The following KLF12 variants were observed in gnomAD, a reference collection of about 807,000 sequenced individuals.
KLF12 encodes Krueppel-like factor 12.
Under a neutral mutation model 37.8 loss-of-function variants are expected in KLF12, and 9 were observed. The observed-to-expected ratio is 0.24, with a 90% CI of 0.14 to 0.42. The LOEUF is 0.42. KLF12 is among the 10% of genes least tolerant of loss of function. The pLI, the probability that KLF12 is intolerant of heterozygous loss-of-function variation, is 1.00. For synonymous variants in KLF12, 208 were observed against 202.1 expected (o/e 1.03, Z -0.25); for missense variants, 411 against 516.0 (o/e 0.80, Z 1.97).
At chr13:74,277,723 A>T in the KLF12 span, among the ~76,000 whole-genome samples, 35 of 152,098 alleles carry the variant, frequency 2.3e-4, no homozygotes, top group Non-Finnish European at 4.4e-4. Context: ...GACTTTAAAA[A>T]TTTGTTCTTA....
At chr13:73,725,289 C>T (rs372669198) in intron 6 of KLF12, among the ~76,000 whole-genome samples, 1 of 151,880 alleles carries the variant, frequency 6.6e-6, no homozygotes. Context: ...TTAGTAGAGA[C>T]GGGGGTTTCA....
At chr13:73,709,100 T>C (rs1180701460) in intron 7 of KLF12, among the ~76,000 whole-genome samples, 1 of 152,232 alleles carries the variant, frequency 6.6e-6, no homozygotes, top group African/African-American at 2.4e-5. Flanking sequence ...TGTACACTCA[T>C]GAAAATATAC....
At position 73,947,310 on chromosome 13, in the gene KLF12, T is replaced by C. The variant is rs181207138; in HGVS notation, c.34-3240A>G. On this transcript the variant is annotated intron_variant, in intron 2 of 7. Coordinates refer to ENST00000377669, the MANE Select transcript of KLF12 (RefSeq NM_007249.5). ...GTTAGTTGGCTGTTGACCAATTCCATGTGCACGGGATGAGAAGGATAATCT... is the reference window on the plus strand; with the variant it reads ...GTTAGTTGGCTGTTGACCAATTCCACGTGCACGGGATGAGAAGGATAATCT... Among the ~76,000 whole-genome samples, 309 of 152,292 alleles carry C rather than the reference T, an allele frequency of 2.0e-3. 1 individual carries two copies. The Middle Eastern group carries it at 0.02, about 10-fold the overall frequency.
At chr13:74,120,336 G>A (rs567928742) in intron 1 of KLF12, among the ~76,000 whole-genome samples, 52 of 152,228 alleles carry the variant, frequency 3.4e-4, no homozygotes, top group African/African-American at 1.1e-3. Flanking sequence ...ACAAAAATTA[G>A]CTAGGCGTGG....
the KLF12 span, among the ~76,000 whole-genome samples, chr13:74,253,472 A>G: frequency 1.3e-5 from 2 of 152,228 alleles, no homozygotes; most frequent in African/African-American, 2.4e-5. Flanking sequence ...TCTGGGAGCC[A>G]CCTCAAATCC....
the KLF12 span, among the ~76,000 whole-genome samples, chr13:74,224,394 C>A: frequency 4.6e-5 from 7 of 152,120 alleles, no homozygotes; most frequent in Non-Finnish European, 7.4e-5. Context: ...CATCCAGGAT[C>A]TTCTAACTTT....
At chr13:74,220,603 T>C in the KLF12 span, among the ~76,000 whole-genome samples, 1 of 152,242 alleles carries the variant, frequency 6.6e-6, no homozygotes, top group Non-Finnish European at 1.5e-5. Context: ...ATCATCAGCA[T>C]GATGTACAAC....
At chr13:74,110,258 C>T (rs976964300) in intron 1 of KLF12, among the ~76,000 whole-genome samples, 2 of 152,184 alleles carry the variant, frequency 1.3e-5, no homozygotes, top group African/African-American at 4.8e-5. Flanking sequence ...TGTTGGACAG[C>T]CCCGTCCTCT....
At chr13:74,071,898 A>G (rs1178028657) in intron 1 of KLF12, among the ~76,000 whole-genome samples, 1 of 152,196 alleles carries the variant, frequency 6.6e-6, no homozygotes, top group Non-Finnish European at 1.5e-5. Flanking sequence ...GAAAGAATGA[A>G]CAATTCTCCA....
At chr13:73,734,163 G>A (rs1017992363) in intron 6 of KLF12, among the ~76,000 whole-genome samples, 1 of 152,106 alleles carries the variant, frequency 6.6e-6, no homozygotes, top group African/African-American at 2.4e-5. Flanking sequence ...CTGACCAAAT[G>A]TCACTTCTTC....
At chr13:73,993,483 C>T (rs1254167679) in intron 2 of KLF12, among the ~76,000 whole-genome samples, 1 of 152,092 alleles carries the variant, frequency 6.6e-6, no homozygotes, top group African/African-American at 2.4e-5. Context: ...ACTTACAAAG[C>T]TAACATTGAT....
At chr13:74,185,434 C>T in the KLF12 span, among the ~76,000 whole-genome samples, 1 of 152,052 alleles carries the variant, frequency 6.6e-6, no homozygotes, top group Non-Finnish European at 1.5e-5. Context: ...TATTTTTTTC[C>T]AACTCCATCA....
chr13:74,247,349 A>C, the KLF12 span, among the ~76,000 whole-genome samples: 74 of 151,934 alleles, frequency 4.9e-4, no homozygotes, highest in African/African-American at 1.7e-3. Context: ...TGTAATAATA[A>C]CTCTTTGAAA....
chr13:73,871,852 G>A (rs1409320785), intron 3 of KLF12, among the ~76,000 whole-genome samples: 1 of 132,468 alleles, frequency 7.5e-6, no homozygotes, highest in Non-Finnish European at 1.6e-5. Flanking sequence ...TTATCTGCCT[G>A]CAGATATCTC....
chr13:74,293,508 T>A, the KLF12 span, among the ~76,000 whole-genome samples: 1 of 152,222 alleles, frequency 6.6e-6, no homozygotes, highest in African/African-American at 2.4e-5. Context: ...AATATGCATA[T>A]GTATGAAATG....
intron 1 of KLF12, among the ~76,000 whole-genome samples, chr13:74,019,089 T>G (rs555600506): frequency 6.6e-6 from 1 of 152,324 alleles, no homozygotes; most frequent in African/African-American, 2.4e-5. Context: ...CATTTCTGGA[T>G]CAAGGGTCTT....
chr13:74,101,991 G>A (rs113221859), intron 1 of KLF12, among the ~76,000 whole-genome samples: 47 of 151,902 alleles, frequency 3.1e-4, no homozygotes, highest in African/African-American at 7.7e-4. Context: ...AGGCCGAGAC[G>A]GGCGGATCAC....
At chr13:73,934,969 ATTTATTT>A in intron 3 of KLF12, among the ~76,000 whole-genome samples, 1 of 132,540 alleles carries the variant, frequency 7.5e-6, no homozygotes, top group Admixed American at 7.3e-5. Context: ...TTATTTATTT[ATTTATTT>A]ATTTATTTAT....
chr13:74,060,484 T>TTTTGTGTG (rs767187033), intron 1 of KLF12, among the ~76,000 whole-genome samples: 1 of 108,598 alleles, frequency 9.2e-6, no homozygotes, highest in African/African-American at 3.7e-5. Flanking sequence ...TACCTAGGTT[T>TTTTGTGTG]TGTGTGTGTG....
Sources: gnomAD v4.1 joint callset for allele counts (sites outside exome capture counted in the v4.1 genomes callset) on GRCh38, gnomAD v4.1.1 for gene constraint, MANE v1.5 for transcripts, NCBI Gene and HGNC (gene_info 2026-07-23, HGNC 2026-07-21) for gene names.